The following NAV2 variants were observed in gnomAD, a reference collection of about 807,000 sequenced individuals.
NAV2 encodes neuron navigator 2.
In NAV2, 54 loss-of-function variants were observed where a neutral mutation model predicts 223.2. That is an observed-to-expected ratio of 0.24 (90% CI 0.19 to 0.30). The LOEUF is 0.30. Ranked by LOEUF, NAV2 falls within the 10% of genes least tolerant of loss-of-function variation. The pLI is 1.00. For synonymous variants in NAV2, 1,279 were observed against 1,239.3 expected, an observed-to-expected ratio of 1.03 and a Z score of -0.67; for missense variants, 2,806 against 3,147.5, an observed-to-expected ratio of 0.89 and a Z score of 2.60.
intron 1 of NAV2, among the ~76,000 whole-genome samples, chr11:19,816,469 G>A (rs533455141): frequency 6.6e-6 from 1 of 152,282 alleles, no homozygotes; most frequent in South Asian, 2.1e-4. Flanking sequence ...CCCTCTGTCC[G>A]TTACCCCTCC....
At chr11:19,467,016 CACAGAGAGAG>C (rs1345623200) in intron 1 of NAV2, among the ~76,000 whole-genome samples, 11 of 88,876 alleles carry the variant, frequency 1.2e-4, no homozygotes, top group South Asian at 4.1e-4. Flanking sequence ...CACACACACA[CACAGAGAGAG>C]AGAGAGAGAG....
intron 10 of NAV2, among the ~76,000 whole-genome samples, chr11:19,950,936 C>T (rs1477431509): frequency 6.6e-6 from 1 of 152,322 alleles, no homozygotes; most frequent in East Asian, 1.9e-4. Context: ...GTGGGGAAAC[C>T]AAGCAAGGTT....
Position 20,118,175 on chromosome 11 carries a change from A to G in NAV2, c.7207A>G (p.Ser2403Gly), listed in dbSNP as rs1418677737. The G allele has an allele frequency of 2.5e-6, 4 of 1,613,910 alleles. No homozygotes were observed. Among genetic ancestry groups the G allele is most frequent in the Non-Finnish European group, 3.4e-6 (4 of 1,179,930 alleles). Residue 2403 changes from serine (S) to glycine (G), a missense_variant, in exon 38 of 38, where the codon AGC (serine) becomes GGC (glycine). Transcript: ENST00000349880. ...GCTGCAGGAGGCAGCCAACTACTCC[A>G]GCCCCCAGAGCTATGACAGCGACTC... is the stretch of plus-strand genomic sequence containing the variant. ...MRLQEAANYS[S>G]PQSYDSDSNS...
chr11:19,392,285 T>C (rs1849280089), intron 1 of NAV2, among the ~76,000 whole-genome samples: 1 of 152,248 alleles, frequency 6.6e-6, no homozygotes. Context: ...ATTTCAGGCA[T>C]TTATTGCTAT....
At chr11:19,868,483 T>C (rs530636582) in intron 3 of NAV2, among the ~76,000 whole-genome samples, 3 of 152,182 alleles carry the variant, frequency 2.0e-5, no homozygotes, top group African/African-American at 2.4e-5. Context: ...ATTTTGTGAG[T>C]AAATGCTACC....
At chr11:20,080,029 TG>T in intron 24 of NAV2, 34 bp from the exon 25 acceptor site, 1 of 1,609,814 alleles carries the variant, frequency 6.2e-7, no homozygotes, top group Non-Finnish European at 8.5e-7. Flanking sequence ...GGGCTCAGGT[TG>T]GCAGCTGCTG....
At chr11:19,910,807 G>A (rs1319566462) in intron 6 of NAV2, among the ~76,000 whole-genome samples, 4 of 152,154 alleles carry the variant, frequency 2.6e-5, no homozygotes, top group African/African-American at 4.8e-5. Flanking sequence ...GCAGTGAGCC[G>A]AGATAGTGCC....
At chr11:19,954,936 T>TATATATAC (rs1332657160) in intron 10 of NAV2, among the ~76,000 whole-genome samples, 1 of 140,900 alleles carries the variant, frequency 7.1e-6, no homozygotes, top group South Asian at 2.2e-4. Flanking sequence ...TATATACATA[T>TATATATAC]ATATATACAT....
chr11:20,037,913 G>A (rs899106574), intron 12 of NAV2, among the ~76,000 whole-genome samples: 2 of 27,374 alleles, frequency 7.3e-5, no homozygotes, highest in Admixed American at 1.1e-3. Flanking sequence ...TACTAAGGAA[G>A]GAACCAAGGA....
chr11:19,426,424 G>A (rs1027369063), intron 1 of NAV2, among the ~76,000 whole-genome samples: 1 of 152,126 alleles, frequency 6.6e-6, no homozygotes, highest in Non-Finnish European at 1.5e-5. Flanking sequence ...ACTCCATGAA[G>A]AAATAAACCA....
chr11:19,552,975 CT>C (rs141273662), intron 1 of NAV2, among the ~76,000 whole-genome samples: 4 of 152,278 alleles, frequency 2.6e-5, no homozygotes, highest in Non-Finnish European at 5.9e-5. Flanking sequence ...AGCTGAAATT[CT>C]TTTTCTTGTC....
At chr11:19,609,913 A>G (rs1012451371) in intron 1 of NAV2, among the ~76,000 whole-genome samples, 1 of 152,238 alleles carries the variant, frequency 6.6e-6, no homozygotes, top group Non-Finnish European at 1.5e-5. Flanking sequence ...ACAGCTAACT[A>G]TAACTGAGCC....
intron 1 of NAV2, among the ~76,000 whole-genome samples, chr11:19,627,759 G>A (rs571664411): frequency 3.1e-4 from 47 of 152,086 alleles, no homozygotes; most frequent in African/African-American, 1.0e-3. Flanking sequence ...ATGCACTGAC[G>A]GTGATGGATG....
In NAV2 at chr11:20,093,030, G is replaced by A. The variant is rs1037719271; in HGVS notation, c.5816-69G>A. Reference sequence around the variant, plus strand: ...TGTCCCGCTGCTGTGCCAACCTGCAGCGGGGGTGTCAGGAAGCTGGCTTTG... The same window carrying A: ...TGTCCCGCTGCTGTGCCAACCTGCAACGGGGGTGTCAGGAAGCTGGCTTTG... On this transcript the variant is annotated intron_variant, in intron 28 of 37. Transcript: ENST00000349880. The A allele has an allele frequency of 8.4e-6, 7 of 829,866 alleles. No individual in the cohort carries two copies. The African/African-American group carries it at 1.4e-4, about 16-fold the overall frequency. The allele number at this position is 829,866 out of a possible 1,614,324, so 51.4% of individuals were successfully genotyped here. A position where few individuals can be genotyped will look rare whatever the true frequency, so the allele number is the denominator to read the frequency against.
intron 1 of NAV2, among the ~76,000 whole-genome samples, chr11:19,827,433 C>T (rs1590759188): frequency 6.6e-6 from 1 of 152,156 alleles, no homozygotes; most frequent in Non-Finnish European, 1.5e-5. Flanking sequence ...AATAGGTGGT[C>T]AGCTAGAATT....
At chr11:20,091,356 T>C (rs1371366353) in intron 27 of NAV2, among the ~76,000 whole-genome samples, 2 of 152,172 alleles carry the variant, frequency 1.3e-5, no homozygotes, top group African/African-American at 4.8e-5. Flanking sequence ...TCCCAGAATC[T>C]ACTCGCCAGC....
At chr11:19,792,662 T>C (rs2057604661) in intron 1 of NAV2, among the ~76,000 whole-genome samples, 1 of 152,180 alleles carries the variant, frequency 6.6e-6, no homozygotes, top group Non-Finnish European at 1.5e-5. Context: ...TGTCTCCCTT[T>C]GGGACATCTC....
At chr11:20,080,335 C>A in intron 25 of NAV2, 126 bp downstream of exon 25, 1 of 860,680 alleles carries the variant, frequency 1.2e-6, no homozygotes, top group Non-Finnish European at 1.8e-6. Flanking sequence ...GGGCGTAGAT[C>A]CCAGGAAATG....
intron 1 of NAV2, among the ~76,000 whole-genome samples, chr11:19,690,042 C>T (rs1163006381): frequency 3.9e-5 from 6 of 152,200 alleles, no homozygotes; most frequent in African/African-American, 9.7e-5. Flanking sequence ...GTGATCTAGG[C>T]TCACTGCAAC....
Sources: allele counts gnomAD v4.1 joint callset (sites outside exome capture counted in the v4.1 genomes callset), GRCh38; gene constraint gnomAD v4.1.1; transcripts MANE v1.5; gene names NCBI Gene and HGNC (gene_info 2026-07-23, HGNC 2026-07-21).